The following TRIM24 variants were observed in gnomAD, a reference collection of about 807,000 sequenced individuals.
TRIM24 encodes the protein transcription intermediary factor 1-alpha.
In TRIM24, 29 loss-of-function variants were observed where a neutral mutation model predicts 123.9. That is an observed-to-expected ratio of 0.23 (90% CI 0.17 to 0.32). The LOEUF is 0.32. Among genes scored for constraint, TRIM24 ranks in the 10% least tolerant of loss-of-function variants. The probability of loss-of-function intolerance (pLI) is 1.00; values close to 1 mark genes in which losing one functional copy is unlikely to be tolerated. For missense variants in TRIM24, 932 were observed against 1,295.3 expected, an observed-to-expected ratio of 0.72 and a Z score of 4.31; for synonymous variants, 456 against 461.1, an observed-to-expected ratio of 0.99 and a Z score of 0.14.
intron 9 of TRIM24, 105 bp downstream of exon 9, chr7:138,555,071 C>A (rs1221008264): frequency 7.4e-6 from 9 of 1,211,434 alleles, no homozygotes; most frequent in Non-Finnish European, 9.2e-6. Flanking sequence ...TAAATATCTG[C>A]ATTTATAAAA....
At chr7:138,491,033 C>A in intron 1 of TRIM24, 1 of 246,486 alleles carries the variant, frequency 4.1e-6, no homozygotes, top group Non-Finnish European at 8.0e-6. Context: ...ATTTTTTCAC[C>A]CTGGAACACA....
intron 7 of TRIM24, among the ~76,000 whole-genome samples, chr7:138,548,012 G>T (rs980203474): frequency 9.2e-5 from 14 of 152,280 alleles, no homozygotes; most frequent in Non-Finnish European, 1.9e-4. Flanking sequence ...GTAAGAAAAA[G>T]AAAGGAGCCA....
intron 18 of TRIM24, among the ~76,000 whole-genome samples, chr7:138,584,360 C>T (rs939871760): frequency 6.6e-6 from 1 of 152,210 alleles, no homozygotes; most frequent in African/African-American, 2.4e-5. Flanking sequence ...GTCAGTTCAT[C>T]TACACATCAG....
At chr7:138,545,595 TA>T in intron 7 of TRIM24, 1 of 452,792 alleles carries the variant, frequency 2.2e-6, no homozygotes, top group South Asian at 1.6e-5. Context: ...GCAATAATTA[TA>T]GATGTATATG....
chr7:138,468,003 C>A (rs575758469), intron 1 of TRIM24, among the ~76,000 whole-genome samples: 48 of 152,104 alleles, frequency 3.2e-4, no homozygotes, highest in Non-Finnish European at 2.6e-4. Context: ...CTTCTTATTG[C>A]ACCAGCAAGG....
intron 1 of TRIM24, among the ~76,000 whole-genome samples, chr7:138,492,295 AAAAG>A: frequency 6.6e-6 from 1 of 151,344 alleles, no homozygotes; most frequent in Non-Finnish European, 1.5e-5. Flanking sequence ...AAAAAAAAAA[AAAAG>A]GGAAAGAAAA....
chr7:138,573,720 C>T, intron 12 of TRIM24, 78 bp downstream of exon 12: 1 of 1,483,728 alleles, frequency 6.7e-7, no homozygotes, highest in Non-Finnish European at 9.1e-7. Flanking sequence ...TACCCCTCTT[C>T]TCCTTTTTTG....
chr7:138,547,041 C>T (rs187690580), intron 7 of TRIM24, among the ~76,000 whole-genome samples: 15 of 152,080 alleles, frequency 9.9e-5, no homozygotes, highest in African/African-American at 1.9e-4. Flanking sequence ...TGTAAGTATT[C>T]AACAGATAAA....
At chr7:138,579,568 G>A (rs780542022) in intron 15 of TRIM24, 36 bp downstream of exon 15, 1 of 1,495,910 alleles carries the variant, frequency 6.7e-7, no homozygotes, top group Admixed American at 2.2e-5. Flanking sequence ...TTCTTTTACT[G>A]TAAACTTTTG....
At chr7:138,488,911 T>A (rs2116493939) in intron 1 of TRIM24, among the ~76,000 whole-genome samples, 1 of 152,296 alleles carries the variant, frequency 6.6e-6, no homozygotes, top group Middle Eastern at 3.4e-3. Context: ...CTTGTTAAAC[T>A]TCTGTCTCAT....
chr7:138,460,411 G>T lies in TRIM24; in HGVS notation c.-138G>T. Reference sequence around the variant, plus strand: ...TGAGGAGGCTTCCCCCGCCCGGTTTGCTTTCCCTCCCTCGCTGGCGCTGCC... The same window carrying T: ...TGAGGAGGCTTCCCCCGCCCGGTTTTCTTTCCCTCCCTCGCTGGCGCTGCC... On this transcript the variant is annotated 5_prime_UTR_variant, in exon 1 of 19. Transcript: ENST00000343526. The T allele has an allele frequency of 1.0e-6, 1 of 989,564 alleles. No individual in the cohort carries two copies. The highest frequency in any genetic ancestry group is 1.3e-6 in the Non-Finnish European group (1 of 765,210). The allele number at this position is 989,564 out of a possible 1,614,324, so 61.3% of individuals were successfully genotyped here. A position where few individuals can be genotyped will look rare whatever the true frequency, so the allele number is the denominator to read the frequency against.
intron 1 of TRIM24, among the ~76,000 whole-genome samples, chr7:138,487,368 A>G (rs1795671543): frequency 6.6e-6 from 1 of 152,236 alleles, no homozygotes; most frequent in East Asian, 1.9e-4. Flanking sequence ...AGAACTTCCA[A>G]CACTATGTTG....
At chr7:138,513,060 C>T (rs907677074) in intron 2 of TRIM24, among the ~76,000 whole-genome samples, 3 of 152,176 alleles carry the variant, frequency 2.0e-5, no homozygotes, top group African/African-American at 7.2e-5. Flanking sequence ...CCACAGATCC[C>T]TAAAGCCAGG....
chr7:138,486,097 TGAG>T (rs1251280930), intron 1 of TRIM24, among the ~76,000 whole-genome samples: 1 of 152,240 alleles, frequency 6.6e-6, no homozygotes. Flanking sequence ...CCAGTGATGA[TGAG>T]CATTTTTCAT....
intron 2 of TRIM24, 91 bp from the exon 3 acceptor site, chr7:138,515,121 T>A (rs553558955): frequency 1.1e-5 from 15 of 1,323,240 alleles, no homozygotes. Context: ...TGATTTAGCC[T>A]GGTACAATTG....
Position 138,537,890 on chromosome 7 carries a change from G to T in TRIM24, c.997-767G>T, listed in dbSNP as rs186568250. On this transcript the variant is annotated intron_variant, in intron 6 of 18. Coordinates refer to ENST00000343526, the MANE Select transcript of TRIM24 (RefSeq NM_015905.3). Reference sequence around the variant, plus strand: ...ACTTGTAAACATTTCTAATTTGTCTGAGACAGCAGAAAGTCCTGTTTTCCT... The same window carrying T: ...ACTTGTAAACATTTCTAATTTGTCTTAGACAGCAGAAAGTCCTGTTTTCCT... 3.9e-3 allele frequency among the ~76,000 whole-genome samples: 593 copies of T among 152,308 alleles called. 1 individual carries two copies. The highest frequency in any genetic ancestry group is 6.0e-3 in the Non-Finnish European group (408 of 68,024).
At chr7:138,489,773 C>A (rs186101526) in intron 1 of TRIM24, among the ~76,000 whole-genome samples, 57 of 152,086 alleles carry the variant, frequency 3.7e-4, no homozygotes, top group African/African-American at 1.3e-3. Context: ...TCTTTCTGGC[C>A]GCGCTTAACG....
At chr7:138,518,749 A>C (rs561435812) in intron 3 of TRIM24, among the ~76,000 whole-genome samples, 89 of 151,958 alleles carry the variant, frequency 5.9e-4, no homozygotes, top group Non-Finnish European at 1.0e-3. Context: ...GATCCTCTCA[A>C]CTCAGCTTCC....
intron 1 of TRIM24, among the ~76,000 whole-genome samples, chr7:138,480,626 T>TTTTTG (rs889127535): frequency 9.9e-5 from 15 of 152,118 alleles, no homozygotes; most frequent in African/African-American, 2.7e-4. Context: ...TGTGGGTGTT[T>TTTTTG]TTTTGTTTTG....
Sources: gnomAD v4.1 joint callset for allele counts (sites outside exome capture counted in the v4.1 genomes callset) on GRCh38, gnomAD v4.1.1 for gene constraint, MANE v1.5 for transcripts, NCBI Gene and HGNC (gene_info 2026-07-23, HGNC 2026-07-21) for gene names.